OXCT1: variants seen among roughly 807,000 people sequenced by gnomAD.
The protein encoded by OXCT1 is 3-oxoacid CoA-transferase 1.
OXCT1 carries 27 observed loss-of-function variants against 69.6 expected under a neutral mutation model. That is an observed-to-expected ratio of 0.39 (90% CI 0.29 to 0.54). The LOEUF (loss-of-function observed/expected upper bound fraction) is 0.54, where lower values mean the gene tolerates loss of function less well. Among genes scored for constraint, OXCT1 ranks in the 20% least tolerant of loss-of-function variants. The probability of loss-of-function intolerance (pLI) is 0.72; values close to 1 mark genes in which losing one functional copy is unlikely to be tolerated. For synonymous variants in OXCT1, 202 were observed against 217.8 expected (o/e 0.93, Z 0.64); for missense variants, 437 against 650.2 (o/e 0.67, Z 3.57).
At position 41,743,395 on chromosome 5, in the gene OXCT1, G is replaced by A. The variant is rs1252709682; in HGVS notation, c.1420-3904C>T. On this transcript the variant is annotated intron_variant, in intron 15 of 16. Coordinates refer to ENST00000196371, the MANE Select transcript of OXCT1 (RefSeq NM_000436.4). ...TGGATATTAGCCCTTTGTCAGATGG[G>A]TAGATTGTAAAAATTTTCTCCCATT... is the stretch of plus-strand genomic sequence containing the variant. Among the ~76,000 whole-genome samples, 3 of 152,216 alleles carry A rather than the reference G, an allele frequency of 2.0e-5. No individual in the cohort carries two copies. In the East Asian group the frequency reaches 5.8e-4, roughly 29 times the overall value.
In OXCT1 at chr5:41,840,381, C is replaced by T. The variant is rs984635925; in HGVS notation, c.732+70G>A. ...TCCATAAAACAAATGAACTGTGGTACTTTTTCTTGAATTAATACTTAACAT... is the reference window on the plus strand; with the variant it reads ...TCCATAAAACAAATGAACTGTGGTATTTTTTCTTGAATTAATACTTAACAT... On this transcript the variant is annotated intron_variant, in intron 7 of 16. Transcript: ENST00000196371. The T allele has an allele frequency of 1.9e-5, 22 of 1,181,506 alleles. No homozygotes were observed. The African/African-American group carries it at 2.6e-4, about 14-fold the overall frequency. 73.2% of individuals were successfully genotyped at this position (1,181,506 alleles called of 1,614,324 possible). A position where few individuals can be genotyped will look rare whatever the true frequency, so the allele number is the denominator to read the frequency against.
chr5:41,820,063 ACTC>A (rs1414269305), intron 7 of OXCT1, among the ~76,000 whole-genome samples: 1 of 151,878 alleles, frequency 6.6e-6, no homozygotes, highest in African/African-American at 2.4e-5. Flanking sequence ...CCCTCACACA[ACTC>A]CTCAACTAAG....
intron 7 of OXCT1, among the ~76,000 whole-genome samples, chr5:41,836,765 T>TCACC (rs942928632): frequency 1.4e-4 from 21 of 152,124 alleles, no homozygotes; most frequent in African/African-American, 5.1e-4. Context: ...TAATGCTCAC[T>TCACC]CACCCACCAC....
chr5:41,844,512 C>T (rs190878361), intron 5 of OXCT1, among the ~76,000 whole-genome samples: 2 of 152,088 alleles, frequency 1.3e-5, no homozygotes, highest in East Asian at 3.9e-4. Flanking sequence ...TCCTTCTCTT[C>T]CCAATTTCTA....
rs749956681 is a variant in OXCT1 at position 41,839,064 on chromosome 5, G to A, written c.732+1387C>T. ...GTGATCCATCAGAGATGTCTGTTCC[G>A]GGACACAGGAGGGAAGCCTTTATTA... On this transcript the variant is annotated intron_variant, in intron 7 of 16. Transcript: ENST00000196371. Among the ~76,000 whole-genome samples the A allele has an allele frequency of 8.7e-4, 132 of 151,966 alleles. 2 individuals carry two copies. The highest frequency in any genetic ancestry group is 1.7e-3 in the Non-Finnish European group (114 of 67,998).
At chr5:41,858,467 A>G (rs932293521) in intron 3 of OXCT1, among the ~76,000 whole-genome samples, 3 of 152,210 alleles carry the variant, frequency 2.0e-5, no homozygotes, top group Admixed American at 6.5e-5. Flanking sequence ...CTTCAAAAAG[A>G]TGGGTGCTTT....
intron 8 of OXCT1, among the ~76,000 whole-genome samples, chr5:41,806,702 G>A (rs572541222): frequency 1.3e-5 from 2 of 152,214 alleles, no homozygotes; most frequent in African/African-American, 4.8e-5. Flanking sequence ...ACCAGAAGCA[G>A]ATGCTGGTGC....
intron 1 of OXCT1, among the ~76,000 whole-genome samples, chr5:41,867,649 C>A (rs780405244): frequency 6.6e-6 from 1 of 152,230 alleles, no homozygotes; most frequent in Non-Finnish European, 1.5e-5. Context: ...GGGAAAGCCA[C>A]TTTATGGCTA....
chr5:41,757,802 C>T lies in OXCT1; in HGVS notation c.1338+4309G>A, dbSNP rs561228862. On this transcript the variant is annotated intron_variant, in intron 14 of 16. Coordinates refer to ENST00000196371, the MANE Select transcript of OXCT1 (RefSeq NM_000436.4). ...TACAAACACCTAAGAATGGGAAACA[C>T]CATGATGCCTTTCTGTAGATCTTAG... Among the ~76,000 whole-genome samples the T allele has an allele frequency of 2.0e-5, 3 of 152,090 alleles. No individual in the cohort carries two copies. In the East Asian group the frequency reaches 5.8e-4, roughly 29 times the overall value.
chr5:41,869,933 TCA>T, intron 1 of OXCT1: 1 of 384,282 alleles, frequency 2.6e-6, no homozygotes, highest in South Asian at 2.2e-5. Flanking sequence ...GTTCAGACCC[TCA>T]GAGTCCCTAT....
chr5:41,787,520 G>A (rs749568403), intron 13 of OXCT1, among the ~76,000 whole-genome samples: 1 of 150,482 alleles, frequency 6.6e-6, no homozygotes, highest in Non-Finnish European at 1.5e-5. Flanking sequence ...TACAGAGTGA[G>A]AGCTCAGATT....
intron 7 of OXCT1, among the ~76,000 whole-genome samples, chr5:41,821,859 A>G (rs538319865): frequency 1.3e-5 from 2 of 152,276 alleles, no homozygotes; most frequent in South Asian, 2.1e-4. Flanking sequence ...ACATGTTTCA[A>G]ATATCTTCTC....
intron 14 of OXCT1, among the ~76,000 whole-genome samples, chr5:41,752,728 C>CA (rs1239664609): frequency 6.6e-6 from 1 of 151,992 alleles, no homozygotes; most frequent in Non-Finnish European, 1.5e-5. Flanking sequence ...GCTTGGGCAA[C>CA]AAAGAGAACT....
intron 14 of OXCT1, among the ~76,000 whole-genome samples, chr5:41,751,600 T>C (rs10512793): frequency 0.12 from 17,681 of 152,178 alleles, 1,127 homozygotes; most frequent in South Asian, 0.16. Context: ...AAGTTCTACA[T>C]GAAATGCAAG....
intron 13 of OXCT1, among the ~76,000 whole-genome samples, chr5:41,780,636 G>T (rs965210568): frequency 4.6e-5 from 7 of 152,034 alleles, no homozygotes; most frequent in African/African-American, 1.7e-4. Context: ...TTAGTAAAAT[G>T]AATAGGTATA....
At chr5:41,740,605 G>A (rs1417533982) in intron 15 of OXCT1, among the ~76,000 whole-genome samples, 5 of 152,176 alleles carry the variant, frequency 3.3e-5, no homozygotes, top group Non-Finnish European at 5.9e-5. Context: ...AACTCAAGTG[G>A]AAGTGACCTA....
intron 7 of OXCT1, among the ~76,000 whole-genome samples, chr5:41,809,071 T>G (rs1199463254): frequency 8.1e-6 from 1 of 122,770 alleles, no homozygotes; most frequent in Non-Finnish European, 1.6e-5. Context: ...TATGCACTCA[T>G]AATATTTAAT....
At chr5:41,768,906 T>A (rs936136530) in intron 13 of OXCT1, among the ~76,000 whole-genome samples, 2 of 152,118 alleles carry the variant, frequency 1.3e-5, no homozygotes, top group African/African-American at 4.8e-5. Flanking sequence ...ACCTGGACCC[T>A]CCCCTCTTCA....
At chr5:41,862,772 ATT>A in intron 1 of OXCT1, 22 bp from the exon 2 acceptor site, 2 of 1,348,102 alleles carry the variant, frequency 1.5e-6, no homozygotes, top group Non-Finnish European at 2.1e-6. Context: ...AAAAAAAAAA[ATT>A]GATAATCATT....
Sources: allele counts gnomAD v4.1 joint callset (sites outside exome capture counted in the v4.1 genomes callset), GRCh38; gene constraint gnomAD v4.1.1; transcripts MANE v1.5; gene names NCBI Gene and HGNC (gene_info 2026-07-23, HGNC 2026-07-21).